KDM4C: variants seen among roughly 807,000 people sequenced by gnomAD.
KDM4C encodes lysine-specific demethylase 4C.
KDM4C carries 81 observed loss-of-function variants against 129.3 expected under a neutral mutation model. The observed-to-expected ratio is 0.63, with a 90% CI of 0.52 to 0.75. KDM4C has a LOEUF of 0.75. Ranked by LOEUF, KDM4C falls within the 30% of genes least tolerant of loss-of-function variation. KDM4C has a pLI of 0.00. For synonymous variants in KDM4C, 573 were observed against 456.1 expected (o/e 1.26, Z -3.26); for missense variants, 1,457 against 1,304.0 (o/e 1.12, Z -1.81).
At chr9:6,795,481 A>G (rs965483720) in intron 2 of KDM4C, among the ~76,000 whole-genome samples, 1 of 152,068 alleles carries the variant, frequency 6.6e-6, no homozygotes, top group African/African-American at 2.4e-5. Flanking sequence ...ACAGGCATGT[A>G]CCACCATGCC....
intron 8 of KDM4C, among the ~76,000 whole-genome samples, chr9:6,955,189 A>G (rs1828853923): frequency 6.6e-6 from 1 of 152,206 alleles, no homozygotes; most frequent in South Asian, 2.1e-4. Context: ...TTTAGCAGAA[A>G]TTCTTCTACT....
At chr9:6,834,557 G>A (rs549877317) in intron 4 of KDM4C, 22 of 701,866 alleles carry the variant, frequency 3.1e-5, no homozygotes, top group East Asian at 1.8e-4. Flanking sequence ...CCCCTTCATC[G>A]TGTGGCACCC....
chr9:6,809,674 C>T (rs2073759094), intron 3 of KDM4C, among the ~76,000 whole-genome samples: 2 of 152,078 alleles, frequency 1.3e-5, no homozygotes, highest in Admixed American at 6.6e-5. Flanking sequence ...ACATTTCTAC[C>T]AGTTACAAAA....
intron 17 of KDM4C, among the ~76,000 whole-genome samples, chr9:7,074,978 T>G (rs1833727186): frequency 6.6e-6 from 1 of 152,204 alleles, no homozygotes; most frequent in Non-Finnish European, 1.5e-5. Flanking sequence ...TGGATGATTT[T>G]CATCCTTGAG....
intron 18 of KDM4C, among the ~76,000 whole-genome samples, chr9:7,119,722 A>G (rs1839293091): frequency 1.3e-5 from 2 of 152,154 alleles, no homozygotes; most frequent in African/African-American, 4.8e-5. Flanking sequence ...GCATTTGAAA[A>G]CATAGTTCTG....
chr9:6,819,349 G>A (rs753301593), intron 4 of KDM4C, among the ~76,000 whole-genome samples: 15 of 152,180 alleles, frequency 9.9e-5, no homozygotes, highest in Non-Finnish European at 1.9e-4. Flanking sequence ...ATTGACTTTA[G>A]ACTTCAGATT....
At chr9:6,918,027 C>T (rs1820643568) in intron 8 of KDM4C, among the ~76,000 whole-genome samples, 1 of 152,076 alleles carries the variant, frequency 6.6e-6, no homozygotes, top group Non-Finnish European at 1.5e-5. Context: ...AAAATATAAA[C>T]TTTTATTTTA....
intron 17 of KDM4C, among the ~76,000 whole-genome samples, chr9:7,083,508 A>G (rs1054298163): frequency 1.3e-5 from 2 of 152,196 alleles, no homozygotes; most frequent in African/African-American, 4.8e-5. Flanking sequence ...GCTATATGGT[A>G]TAGCCTATTG....
At chr9:6,960,349 A>G (rs528793909) in intron 8 of KDM4C, among the ~76,000 whole-genome samples, 13 of 149,442 alleles carry the variant, frequency 8.7e-5, no homozygotes, top group Admixed American at 6.7e-4. Context: ...GCATAATCAT[A>G]GCTCACTGCA....
chr9:6,828,083 G>A (rs768263442), intron 4 of KDM4C, among the ~76,000 whole-genome samples: 77 of 152,318 alleles, frequency 5.1e-4, no homozygotes, highest in Middle Eastern at 6.8e-3. Context: ...TGTTGCCCCT[G>A]AGAATGGTGC....
intron 4 of KDM4C, chr9:6,834,511 C>T: frequency 1.5e-6 from 1 of 651,108 alleles, no homozygotes. Flanking sequence ...ATGTGGAAGG[C>T]TGGCTTCGCA....
chr9:6,746,406 C>A (rs1467159903), intron 1 of KDM4C, among the ~76,000 whole-genome samples: 2 of 150,394 alleles, frequency 1.3e-5, no homozygotes, highest in Admixed American at 6.7e-5. Context: ...GTAGCTGGGA[C>A]TACAGGCGCT....
At chr9:7,069,034 C>A (rs1344125186) in intron 17 of KDM4C, among the ~76,000 whole-genome samples, 1 of 152,138 alleles carries the variant, frequency 6.6e-6, no homozygotes. Flanking sequence ...TTTCTTCTCA[C>A]TCTACATTCT....
intron 5 of KDM4C, among the ~76,000 whole-genome samples, chr9:6,860,293 C>CTT (rs1229461682): frequency 6.6e-6 from 1 of 152,148 alleles, no homozygotes; most frequent in Non-Finnish European, 1.5e-5. Context: ...TACTTGGAAA[C>CTT]ATTCTTGAAG....
Position 6,980,995 on chromosome 9 carries a change from A to G in KDM4C, c.992A>G (p.Tyr331Cys). 1 of 1,613,914 alleles carries G rather than the reference A, an allele frequency of 6.2e-7. No individual in the cohort carries two copies. The change falls in exon 9 of 22, where the codon TAT becomes TGT. Residue 331 changes from tyrosine (Y) to cysteine (C), a missense_variant. Tyr to Cys is a radical substitution (Grantham distance 194). Coordinates refer to ENST00000381309, the MANE Select transcript of KDM4C (RefSeq NM_015061.6). ...GTGAGGAAATTTCAGCCAGACAGAT[A>G]TCAGCTTTGGAAACAAGGAAAGGAT... is the stretch of plus-strand genomic sequence containing the variant. ...IFVRKFQPDR[Y>C]QLWKQGKDIY...
At chr9:6,938,279 A>T (rs989716144) in intron 8 of KDM4C, among the ~76,000 whole-genome samples, 3 of 152,164 alleles carry the variant, frequency 2.0e-5, no homozygotes, top group African/African-American at 7.2e-5. Context: ...TGTTAAATAT[A>T]TTTGTGTACA....
intron 4 of KDM4C, among the ~76,000 whole-genome samples, chr9:6,829,370 A>C (rs1834413505): frequency 6.6e-6 from 1 of 152,188 alleles, no homozygotes; most frequent in East Asian, 1.9e-4. Context: ...TTTCTGTGGG[A>C]AAGTATTAGG....
Position 6,936,352 on chromosome 9 carries a change from G to T in KDM4C, c.921+43120G>T, listed in dbSNP as rs545952922. ...AAAATCATGGAGATTTGTGGGCATGGGTATACATGTATACAAACAGTATTA... is the reference window on the plus strand; with the variant it reads ...AAAATCATGGAGATTTGTGGGCATGTGTATACATGTATACAAACAGTATTA... On this transcript the variant is annotated intron_variant, in intron 8 of 21. Transcript: ENST00000381309. 5.3e-5 allele frequency among the ~76,000 whole-genome samples: 8 copies of T among 151,912 alleles called. No individual in the cohort carries two copies. In the South Asian group the frequency reaches 1.7e-3, roughly 32 times the overall value.
chr9:6,961,783 C>T (rs746470474), intron 8 of KDM4C, among the ~76,000 whole-genome samples: 4 of 152,256 alleles, frequency 2.6e-5, no homozygotes, highest in Non-Finnish European at 2.9e-5. Context: ...TTCTGTCATC[C>T]GTTCATTGTC....
Sources: allele counts gnomAD v4.1 joint callset (sites outside exome capture counted in the v4.1 genomes callset), GRCh38; gene constraint gnomAD v4.1.1; transcripts MANE v1.5; gene names NCBI Gene and HGNC (gene_info 2026-07-23, HGNC 2026-07-21).